The following CAMKMT variants were observed in gnomAD, a reference collection of about 807,000 sequenced individuals.
CAMKMT encodes the protein calmodulin-lysine N-methyltransferase.
In CAMKMT, 53 loss-of-function variants were observed where a neutral mutation model predicts 48.0. The ratio of observed to expected loss-of-function variants is 1.10; its 90% CI spans 0.89 to 1.39. The LOEUF is 1.39. Among genes scored for constraint, CAMKMT ranks in the 40% most tolerant of loss-of-function variants. The probability of loss-of-function intolerance (pLI) is 0.00; values close to 1 mark genes in which losing one functional copy is unlikely to be tolerated. For synonymous variants in CAMKMT, 165 were observed against 152.3 expected, an observed-to-expected ratio of 1.08 and a Z score of -0.61; for missense variants, 428 against 402.7, an observed-to-expected ratio of 1.06 and a Z score of -0.54.
intron 3 of CAMKMT, among the ~76,000 whole-genome samples, chr2:44,650,874 T>G (rs546475964): frequency 6.7e-6 from 1 of 149,078 alleles, no homozygotes; most frequent in Admixed American, 6.7e-5. Context: ...CAGTGGGAAA[T>G]GACAGACTGG....
chr2:44,591,693 C>G (rs1261689131), intron 3 of CAMKMT, among the ~76,000 whole-genome samples: 13 of 151,618 alleles, frequency 8.6e-5, no homozygotes, highest in Admixed American at 5.9e-4. Flanking sequence ...TACCATTTGA[C>G]CCAGCCATCC....
chr2:44,508,244 A>G (rs1670360324), intron 3 of CAMKMT, among the ~76,000 whole-genome samples: 1 of 152,174 alleles, frequency 6.6e-6, no homozygotes, highest in African/African-American at 2.4e-5. Flanking sequence ...TTCAGCATCA[A>G]CACATGAGAG....
chr2:44,579,561 A>G (rs1051614524), intron 3 of CAMKMT, among the ~76,000 whole-genome samples: 1 of 152,210 alleles, frequency 6.6e-6, no homozygotes, highest in Non-Finnish European at 1.5e-5. Flanking sequence ...TTTAACAGCA[A>G]CCTCTGAGCA....
At chr2:44,568,068 TGGGTGATCA>T (rs1668710201) in intron 3 of CAMKMT, among the ~76,000 whole-genome samples, 1 of 127,774 alleles carries the variant, frequency 7.8e-6, no homozygotes, top group Admixed American at 8.5e-5. Flanking sequence ...AGGGTGGGGG[TGGGTGATCA>T]AAGCATGCAA....
chr2:44,628,994 G>T (rs890380928), intron 3 of CAMKMT, among the ~76,000 whole-genome samples: 2 of 152,064 alleles, frequency 1.3e-5, no homozygotes, highest in Non-Finnish European at 2.9e-5. Context: ...TTCTGCCCTT[G>T]TTTGAGGTCC....
At chr2:44,489,434 C>T (rs1359130851) in intron 3 of CAMKMT, among the ~76,000 whole-genome samples, 1 of 151,762 alleles carries the variant, frequency 6.6e-6, no homozygotes, top group Non-Finnish European at 1.5e-5. Flanking sequence ...TTAGTAAAGA[C>T]GGGGTTTCAC....
rs766891213 is a variant in CAMKMT, at chr2:44,715,317, AG to A, written c.589del (p.Ala197LeufsTer51). ...CAAGACATCATCACAAGGAATCAGA[AG>A]GCTGGTGTGTTTAAGACCCAGAAAA... ...NVQDIITRNQ[K>X]AGVFKTQKIS... On this transcript the variant is annotated frameshift_variant, in exon 7 of 11. Transcript: ENST00000378494. LOFTEE classifies it high-confidence loss of function. 6.2e-7 allele frequency: 1 copy of A among 1,613,554 alleles called. No homozygotes were observed. Among genetic ancestry groups the A allele is most frequent in the Admixed American group, 1.7e-5 (1 of 59,974 alleles).
intron 3 of CAMKMT, among the ~76,000 whole-genome samples, chr2:44,417,401 TAAAAAA>T (rs1683632916): frequency 6.6e-6 from 1 of 151,914 alleles, no homozygotes; most frequent in African/African-American, 2.4e-5. Flanking sequence ...TCTCAAAAAA[TAAAAAA>T]TAAAAATGAA....
intron 3 of CAMKMT, chr2:44,393,463 T>C (rs1474049656): frequency 1.3e-5 from 2 of 152,228 alleles, no homozygotes; most frequent in Non-Finnish European, 2.9e-5. Flanking sequence ...CTTCTTTTTA[T>C]ATATTTATAT....
intron 3 of CAMKMT, among the ~76,000 whole-genome samples, chr2:44,429,126 C>G (rs1369584865): frequency 6.6e-6 from 1 of 152,156 alleles, no homozygotes; most frequent in Admixed American, 6.5e-5. Context: ...GAAATTGTTT[C>G]TTATCTGACC....
At chr2:44,383,388 C>T (rs1680455770) in intron 2 of CAMKMT, among the ~76,000 whole-genome samples, 1 of 152,178 alleles carries the variant, frequency 6.6e-6, no homozygotes, top group African/African-American at 2.4e-5. Context: ...TGGTCTCAAA[C>T]TCCTGATCTT....
chr2:44,715,213 G>C, intron 6 of CAMKMT, 74 bp from the exon 7 acceptor site: 1 of 696,882 alleles, frequency 1.4e-6, no homozygotes, highest in Admixed American at 3.1e-5. Context: ...AAAAAAAAAA[G>C]ATAACTGTTT....
intron 3 of CAMKMT, among the ~76,000 whole-genome samples, chr2:44,644,995 T>C (rs1673654788): frequency 6.6e-6 from 1 of 152,240 alleles, no homozygotes; most frequent in African/African-American, 2.4e-5. Flanking sequence ...AAGCTTGCTT[T>C]ATTCTAACAT....
At chr2:44,693,341 C>T (rs1676764612) in intron 3 of CAMKMT, among the ~76,000 whole-genome samples, 1 of 152,182 alleles carries the variant, frequency 6.6e-6, no homozygotes, top group Non-Finnish European at 1.5e-5. Flanking sequence ...GGGTCTGGCC[C>T]CTCACCACCC....
chr2:44,389,318 G>A (rs1273680437), intron 2 of CAMKMT, among the ~76,000 whole-genome samples: 1 of 152,102 alleles, frequency 6.6e-6, no homozygotes, highest in Non-Finnish European at 1.5e-5. Context: ...GCTAAATATA[G>A]TCACCTTTCG....
rs1239585746 is a variant in CAMKMT, at chr2:44,383,355, A to G, written c.312-6886A>G. ...AATTTTTGTATTTTTATTAGAGATG[A>G]GGTTTCACCATACTGGCCAAGCTGG... On this transcript the variant is annotated intron_variant, in intron 2 of 10. Transcript: ENST00000378494. Among the ~76,000 whole-genome samples the G allele has an allele frequency of 2.0e-5, 3 of 151,808 alleles. No homozygotes were observed. In the East Asian group the frequency reaches 5.8e-4, roughly 29 times the overall value.
chr2:44,386,484 T>C (rs1680790870), intron 2 of CAMKMT, among the ~76,000 whole-genome samples: 1 of 152,122 alleles, frequency 6.6e-6, no homozygotes, highest in South Asian at 2.1e-4. Flanking sequence ...ATTTGTCTTT[T>C]GTATTTTGTT....
intron 3 of CAMKMT, among the ~76,000 whole-genome samples, chr2:44,491,406 C>T (rs1669498790): frequency 6.6e-6 from 1 of 152,122 alleles, no homozygotes; most frequent in Admixed American, 6.5e-5. Context: ...ATACCTCTCC[C>T]TATCCTTATT....
intron 2 of CAMKMT, among the ~76,000 whole-genome samples, chr2:44,387,864 C>A (rs962543818): frequency 6.6e-6 from 1 of 152,162 alleles, no homozygotes; most frequent in African/African-American, 2.4e-5. Context: ...AGGCCCCAGT[C>A]CCTTCCGCAT....
Sources: allele counts gnomAD v4.1 joint callset (sites outside exome capture counted in the v4.1 genomes callset), GRCh38; gene constraint gnomAD v4.1.1; transcripts MANE v1.5; gene names NCBI Gene and HGNC (gene_info 2026-07-23, HGNC 2026-07-21).